MGAT4D: variants seen among roughly 807,000 people sequenced by gnomAD.
The protein encoded by MGAT4D is MGAT4 family member D.
Under a neutral mutation model 15.9 loss-of-function variants are expected in MGAT4D, and 34 were observed. That is an observed-to-expected ratio of 2.14 (90% CI 1.62 to 2.84). The LOEUF is 2.84. Ranked by LOEUF, MGAT4D falls within the 30% of genes most tolerant of loss-of-function variation. The pLI, the probability that MGAT4D is intolerant of heterozygous loss-of-function variation, is 0.00. For synonymous variants in MGAT4D, 112 were observed against 48.2 expected (o/e 2.33, Z -5.49); for missense variants, 327 against 140.2 (o/e 2.33, Z -6.73).
intron 10 of MGAT4D, among the ~76,000 whole-genome samples, chr4:140,445,174 C>T (rs561084936): frequency 1.3e-5 from 2 of 152,118 alleles, no homozygotes; most frequent in Non-Finnish European, 2.9e-5. Flanking sequence ...CATGAGCCAC[C>T]ATGCCCAGCC....
intron 2 of MGAT4D, among the ~76,000 whole-genome samples, chr4:140,481,832 G>C (rs986295055): frequency 6.6e-6 from 1 of 152,184 alleles, no homozygotes; most frequent in African/African-American, 2.4e-5. Context: ...GGATGCATAA[G>C]GCAGGACTTT....
At chr4:140,469,265 C>T (rs936242600) in intron 5 of MGAT4D, among the ~76,000 whole-genome samples, 1 of 152,178 alleles carries the variant, frequency 6.6e-6, no homozygotes. Flanking sequence ...ACGTTTGTTT[C>T]ATCTACGCAG....
intron 10 of MGAT4D, among the ~76,000 whole-genome samples, chr4:140,444,664 T>C (rs1357950958): frequency 6.6e-6 from 1 of 152,168 alleles, no homozygotes; most frequent in African/African-American, 2.4e-5. Context: ...CTATTGTGAA[T>C]AGAGGAACAT....
At chr4:140,473,510 C>A (rs1287527314) in intron 4 of MGAT4D, among the ~76,000 whole-genome samples, 2 of 152,088 alleles carry the variant, frequency 1.3e-5, no homozygotes, top group African/African-American at 2.4e-5. Flanking sequence ...AACCTTATGG[C>A]ATAGGCAATA....
chr4:140,447,660 G>T (rs967840282), intron 10 of MGAT4D, among the ~76,000 whole-genome samples: 27 of 152,066 alleles, frequency 1.8e-4, no homozygotes, highest in Non-Finnish European at 3.7e-4. Flanking sequence ...TTTTTATCCA[G>T]CTTGCCACTC....
In MGAT4D at chr4:140,443,414, C is replaced by A. The variant is rs1343232354; in HGVS notation, c.*22G>T. 3.8e-6 allele frequency: 2 copies of A among 531,012 alleles called. No individual in the cohort carries two copies. Among genetic ancestry groups the A allele is most frequent in the Non-Finnish European group, 6.7e-6 (2 of 297,776 alleles). 32.9% of individuals were successfully genotyped at this position (531,012 alleles called of 1,614,324 possible). On this transcript the variant is annotated 3_prime_UTR_variant, in exon 11 of 11. Coordinates refer to ENST00000511113, the MANE Select transcript of MGAT4D (RefSeq NM_001277353.2). ...AGGTTATCTGAGGTTCCAGGTATTA[C>A]AGAGTTTCTTCTTATTTATCTTCAT...
chr4:140,446,743 G>GTTTTTTTTTTTTTTTTTTTTTTTTTT lies in MGAT4D; in HGVS notation c.1117-3325_1117-3300dup, dbSNP rs149442061. ...GAGCTGGTTTGCTTTTGCTTCTCTA[G>GTTTTTTTTTTTTTTTTTTTTTTTTTT]TTTTTTTTTTTTTTTTTTTTTTTTT... On this transcript the variant is annotated intron_variant, in intron 10 of 10. Coordinates refer to ENST00000511113, the MANE Select transcript of MGAT4D (RefSeq NM_001277353.2). 4.9e-4 allele frequency among the ~76,000 whole-genome samples: 4 copies of GTTTTTTTTTTTTTTTTTTTTTTTTTT among 8,170 alleles called. 1 individual carries two copies. Among genetic ancestry groups the GTTTTTTTTTTTTTTTTTTTTTTTTTT allele is most frequent in the Non-Finnish European group, 9.0e-4 (4 of 4,452 alleles). The allele number at this position is 8,170 out of a possible 152,430, so 5.4% of individuals were successfully genotyped here. A position where few individuals can be genotyped will look rare whatever the true frequency, so the allele number is the denominator to read the frequency against.
chr4:140,468,988 G>T (rs1266236842), intron 5 of MGAT4D, among the ~76,000 whole-genome samples: 2 of 152,106 alleles, frequency 1.3e-5, no homozygotes. Context: ...TGAGTCTCCA[G>T]TTCCCTCCTG....
chr4:140,445,160 C>T (rs1730037375), intron 10 of MGAT4D, among the ~76,000 whole-genome samples: 1 of 152,170 alleles, frequency 6.6e-6, no homozygotes, highest in African/African-American at 2.4e-5. Context: ...GCTGGGATTA[C>T]AGGCATGAGC....
At position 140,482,359 on chromosome 4, in the gene MGAT4D, A is replaced by G. The variant is rs1252215181; in HGVS notation, c.221T>C (p.Ile74Thr). The G allele has an allele frequency of 3.1e-6, 2 of 642,512 alleles. No individual in the cohort carries two copies. The highest frequency in any genetic ancestry group is 1.9e-5 in the African/African-American group (1 of 53,232). The allele number at this position is 642,512 out of a possible 1,614,324, so 39.8% of individuals were successfully genotyped here. ...TCCTGACAAAATTTCTCTCTTTGTA[A>G]TTTCATACTTCATTCGATTCAAAAC... ...MKVLNRMKYE[I>T]TKREILSGNL... The change falls in exon 2 of 11, where the codon ATT (isoleucine) becomes ACT (threonine). Residue 74 changes from isoleucine to threonine, a missense_variant. Physicochemically the swap from Ile to Thr is moderately conservative, Grantham distance 89 (BLOSUM62 -1). Transcript: ENST00000511113.
intron 2 of MGAT4D, among the ~76,000 whole-genome samples, chr4:140,481,506 A>G (rs1361629503): frequency 6.6e-6 from 1 of 152,220 alleles, no homozygotes; most frequent in East Asian, 1.9e-4. Context: ...ACACATGTAC[A>G]TGAATGCTTA....
intron 9 of MGAT4D, among the ~76,000 whole-genome samples, chr4:140,456,352 TC>T (rs1730798549): frequency 6.6e-6 from 1 of 152,148 alleles, no homozygotes; most frequent in South Asian, 2.1e-4. Context: ...TTTACGTCTA[TC>T]ATTTTTTTTT....
At chr4:140,494,837 C>A (rs769057094) in intron 1 of MGAT4D, among the ~76,000 whole-genome samples, 3 of 152,166 alleles carry the variant, frequency 2.0e-5, no homozygotes, top group Non-Finnish European at 4.4e-5. Context: ...AAACATTCTA[C>A]AATATATAGG....
At chr4:140,485,247 T>C (rs1192687448) in intron 1 of MGAT4D, among the ~76,000 whole-genome samples, 1 of 152,192 alleles carries the variant, frequency 6.6e-6, no homozygotes, top group Non-Finnish European at 1.5e-5. Flanking sequence ...TCATGTCCTT[T>C]GTAGGGATAT....
At chr4:140,443,891 T>C (rs1294407440) in intron 10 of MGAT4D, among the ~76,000 whole-genome samples, 1 of 152,096 alleles carries the variant, frequency 6.6e-6, no homozygotes, top group Non-Finnish European at 1.5e-5. Flanking sequence ...AAATTTAAAA[T>C]GAGGACTGAA....
At chr4:140,469,858 G>A (rs2126770619) in intron 5 of MGAT4D, among the ~76,000 whole-genome samples, 1 of 152,326 alleles carries the variant, frequency 6.6e-6, no homozygotes, top group East Asian at 1.9e-4. Flanking sequence ...GGTGAGGGTG[G>A]GGTCCCTGGA....
chr4:140,480,211 T>C (rs1732609231), intron 2 of MGAT4D, among the ~76,000 whole-genome samples: 1 of 152,186 alleles, frequency 6.6e-6, no homozygotes, highest in Non-Finnish European at 1.5e-5. Context: ...GACTGACTTA[T>C]GACAAAGTTG....
chr4:140,465,564 A>C (rs981271125), intron 5 of MGAT4D, among the ~76,000 whole-genome samples: 2 of 152,228 alleles, frequency 1.3e-5, no homozygotes, highest in African/African-American at 4.8e-5. Flanking sequence ...AAATATGATC[A>C]CAAAAATTCC....
chr4:140,494,609 T>C (rs903778875), intron 1 of MGAT4D, among the ~76,000 whole-genome samples: 1 of 152,164 alleles, frequency 6.6e-6, no homozygotes, highest in Non-Finnish European at 1.5e-5. Context: ...ACTTCATACA[T>C]AAGAGAAATA....
Sources: gnomAD v4.1 joint callset for allele counts (sites outside exome capture counted in the v4.1 genomes callset) on GRCh38, gnomAD v4.1.1 for gene constraint, MANE v1.5 for transcripts, NCBI Gene and HGNC (gene_info 2026-07-23, HGNC 2026-07-21) for gene names.